Variants in RGS22 observed in about 807,000 individuals in gnomAD.
RGS22 encodes the protein regulator of G-protein signaling 22.
Under a neutral mutation model 172.9 loss-of-function variants are expected in RGS22, and 148 were observed. The observed-to-expected ratio is 0.86, with a 90% CI of 0.75 to 0.98. The LOEUF (loss-of-function observed/expected upper bound fraction) is 0.98. Among genes scored for constraint, RGS22 ranks in the 50% least tolerant of loss-of-function variants. RGS22 has a pLI of 0.00. For missense variants in RGS22, 1,347 were observed against 1,440.8 expected, an observed-to-expected ratio of 0.93 and a Z score of 1.05; for synonymous variants, 458 against 480.2, an observed-to-expected ratio of 0.95 and a Z score of 0.60.
At chr8:99,964,069 TTCTCTC>T (rs72231344) in intron 24 of RGS22, among the ~76,000 whole-genome samples, 1 of 151,240 alleles carries the variant, frequency 6.6e-6, no homozygotes, top group East Asian at 1.9e-4. Context: ...CATCATCCCT[TTCTCTC>T]TCTCTCTCTT....
At chr8:100,040,819 T>C (rs1268450838) in intron 12 of RGS22, among the ~76,000 whole-genome samples, 2 of 152,132 alleles carry the variant, frequency 1.3e-5, no homozygotes, top group Non-Finnish European at 2.9e-5. Context: ...TATAAAAAAT[T>C]TAGGGTTTAA....
chr8:99,999,437 G>A lies in RGS22; in HGVS notation c.2791-17C>T, dbSNP rs1173178404. The A allele has an allele frequency of 3.7e-6, 6 of 1,609,026 alleles. No homozygotes were observed. The highest frequency in any genetic ancestry group is 5.1e-6 in the Non-Finnish European group (6 of 1,178,038). On this transcript the variant is annotated splice_polypyrimidine_tract_variant and intron_variant, in intron 18 of 27. Coordinates refer to ENST00000360863, the MANE Select transcript of RGS22 (RefSeq NM_015668.5). ...ATGCATTACCTAAGAAAATTAAGAT[G>A]GAAACAGAAACTATTGTGCTTTCTA... is the stretch of plus-strand genomic sequence containing the variant.
At chr8:100,040,619 G>A (rs1291549862) in intron 12 of RGS22, among the ~76,000 whole-genome samples, 1 of 151,970 alleles carries the variant, frequency 6.6e-6, no homozygotes, top group African/African-American at 2.4e-5. Flanking sequence ...ATAAAATGTT[G>A]CTGTTTATAG....
intron 2 of RGS22, among the ~76,000 whole-genome samples, chr8:100,098,862 ATTTATTTTATTTTAT>A (rs1205135976): frequency 0.01 from 552 of 54,802 alleles, 15 homozygotes; most frequent in South Asian, 0.023. Context: ...TTATTATTTT[ATTTATTTTATTTTAT>A]TTTATTTTAT....
chr8:100,000,394 G>GA lies in RGS22; in HGVS notation c.2791-975dup, dbSNP rs1011437012. 2.8e-3 allele frequency among the ~76,000 whole-genome samples: 422 copies of GA among 149,694 alleles called. 1 individual carries two copies. The highest frequency in any genetic ancestry group is 9.7e-3 in the African/African-American group (398 of 40,868). On this transcript the variant is annotated intron_variant, in intron 18 of 27. Coordinates refer to ENST00000360863, the MANE Select transcript of RGS22 (RefSeq NM_015668.5). Reference sequence around the variant, plus strand: ...TCTGTATAAAAACAAAAAAGAAAAAGAAAAAAAAAGACTACCTTGCTAATC... The same window carrying GA: ...TCTGTATAAAAACAAAAAAGAAAAAGAAAAAAAAAAGACTACCTTGCTAATC...
At chr8:100,074,656 T>C (rs1322077921) in intron 4 of RGS22, among the ~76,000 whole-genome samples, 1 of 152,234 alleles carries the variant, frequency 6.6e-6, no homozygotes, top group Non-Finnish European at 1.5e-5. Flanking sequence ...AGTTTGTTTA[T>C]CCATTCCCCA....
chr8:100,052,215 ATATACACATATATATGTATATT>A, intron 10 of RGS22, among the ~76,000 whole-genome samples: 1 of 126,958 alleles, frequency 7.9e-6, no homozygotes, highest in African/African-American at 3.5e-5. Context: ...ACATATATAA[ATATACACATATATATGTATATT>A]TATATATAAA....
Position 100,004,094 on chromosome 8 carries a change from G to A in RGS22, c.2459C>T (p.Thr820Ile). 1 of 1,595,168 alleles carries A rather than the reference G, an allele frequency of 6.3e-7. No homozygotes were observed. The highest frequency in any genetic ancestry group is 8.5e-7 in the Non-Finnish European group (1 of 1,170,184). The change falls in exon 17 of 28, where the codon ACC (threonine) becomes ATC (isoleucine). Residue 820 changes from threonine (T) to isoleucine (I), a missense_variant. Physicochemically the swap from Thr to Ile is moderately conservative, Grantham distance 89. Coordinates refer to ENST00000360863, the MANE Select transcript of RGS22 (RefSeq NM_015668.5). The part of the protein sequence containing the change: ...KETFSKKAED[T>I]TCEIGTGILS... ...AATGCCAGTTCCAATTTCACAAGTGGTGTCCTAGTGAAATAGTACTTTTCA... is the reference window on the plus strand; with the variant it reads ...AATGCCAGTTCCAATTTCACAAGTGATGTCCTAGTGAAATAGTACTTTTCA...
At chr8:100,078,352 C>T (rs1244970648) in intron 4 of RGS22, among the ~76,000 whole-genome samples, 2 of 151,498 alleles carry the variant, frequency 1.3e-5, no homozygotes, top group African/African-American at 2.4e-5. Context: ...GATCCTCCTG[C>T]CTCAGCCTCC....
rs1250563210 is a variant in RGS22, at chr8:100,066,226, G to A, written c.665C>T (p.Ser222Leu). 1.1e-5 allele frequency: 18 copies of A among 1,613,050 alleles called. 1 individual carries two copies. The highest frequency in any genetic ancestry group is 6.6e-5 in the South Asian group (6 of 91,046). Reference protein sequence around the residue: ...KQSQQTVSTFSLPCCVPYNKL... With the variant: ...KQSQQTVSTFLLPCCVPYNKL... ...GTTGTAGGGTACACAACAGGGTAAC[G>A]AAAAGGTTGATACTGTTTGCTGACT... Residue 222 changes from serine to leucine, a missense_variant, in exon 7 of 28, where the codon TCG (serine) becomes TTG (leucine). Coordinates refer to ENST00000360863, the MANE Select transcript of RGS22 (RefSeq NM_015668.5).
intron 23 of RGS22, among the ~76,000 whole-genome samples, chr8:99,971,879 C>T (rs1214508734): frequency 6.6e-6 from 1 of 152,082 alleles, no homozygotes; most frequent in Non-Finnish European, 1.5e-5. Context: ...TGACTTTCTT[C>T]ACAGAGCTAG....
intron 18 of RGS22, among the ~76,000 whole-genome samples, chr8:100,001,019 G>A (rs1018311612): frequency 3.3e-5 from 5 of 150,664 alleles, no homozygotes; most frequent in Non-Finnish European, 7.4e-5. Flanking sequence ...ATGCATTCTT[G>A]TAAACTACCA....
chr8:100,105,783 T>G, intron 1 of RGS22, 114 bp downstream of exon 1: 1 of 924,538 alleles, frequency 1.1e-6, no homozygotes, highest in Non-Finnish European at 1.6e-6. Context: ...TTTTTTCTCA[T>G]GTCTGGGAGC....
intron 20 of RGS22, among the ~76,000 whole-genome samples, chr8:99,995,367 T>C (rs1240816731): frequency 2.0e-5 from 3 of 152,102 alleles, no homozygotes; most frequent in Non-Finnish European, 4.4e-5. Flanking sequence ...AATCTATCCA[T>C]CTGACAAAGG....
chr8:100,049,542 G>A (rs1299283799), intron 10 of RGS22, among the ~76,000 whole-genome samples: 1 of 152,132 alleles, frequency 6.6e-6, no homozygotes, highest in Admixed American at 6.6e-5. Flanking sequence ...TCTTATTCGA[G>A]TTCCTTTCAT....
chr8:100,037,190 A>T (rs1819599344), intron 14 of RGS22, among the ~76,000 whole-genome samples: 1 of 152,170 alleles, frequency 6.6e-6, no homozygotes. Context: ...CCCAGCACTT[A>T]GGCTGAGGCA....
intron 2 of RGS22, among the ~76,000 whole-genome samples, chr8:100,096,660 AT>A (rs1220835222): frequency 1.2e-4 from 18 of 145,128 alleles, no homozygotes; most frequent in African/African-American, 4.7e-4. Flanking sequence ...CGCTTAGCTA[AT>A]TTAAAAAAAA....
At chr8:100,061,910 G>C in intron 9 of RGS22, among the ~76,000 whole-genome samples, 1 of 152,090 alleles carries the variant, frequency 6.6e-6, no homozygotes, top group East Asian at 1.9e-4. Context: ...ATGCCCATCA[G>C]TGATAGACTG....
intron 14 of RGS22, among the ~76,000 whole-genome samples, chr8:100,013,708 C>A (rs1482384599): frequency 6.6e-6 from 1 of 152,134 alleles, no homozygotes; most frequent in Non-Finnish European, 1.5e-5. Flanking sequence ...CCATACTTTT[C>A]ATCTATTTGT....
Sources: gnomAD v4.1 joint callset for allele counts (sites outside exome capture counted in the v4.1 genomes callset) on GRCh38, gnomAD v4.1.1 for gene constraint, MANE v1.5 for transcripts, NCBI Gene and HGNC (gene_info 2026-07-23, HGNC 2026-07-21) for gene names.